Variants in ACCSL observed in about 807,000 individuals in gnomAD.
ACCSL encodes the protein probable inactive 1-aminocyclopropane-1-carboxylate synthase-like protein 2.
Under a neutral mutation model 61.7 loss-of-function variants are expected in ACCSL, and 55 were observed. That is an observed-to-expected ratio of 0.89 (90% confidence interval 0.72 to 1.12). ACCSL has a LOEUF of 1.12. ACCSL is among the 50% of genes most tolerant of loss of function. ACCSL has a pLI of 0.00. For missense variants in ACCSL, 632 were observed against 698.0 expected (o/e 0.91, Z 1.07); for synonymous variants, 258 against 264.3 (o/e 0.98, Z 0.23).
At chr11:43,931,193 C>A in the ACCSL span, among the ~76,000 whole-genome samples, 1 of 152,356 alleles carries the variant, frequency 6.6e-6, no homozygotes, top group South Asian at 2.1e-4. Context: ...GTGTACCCCC[C>A]ACGCCCCTGT....
chr11:43,942,958 G>T, the ACCSL span: 2 of 1,480,916 alleles, frequency 1.4e-6, no homozygotes, highest in Non-Finnish European at 8.9e-7. Context: ...ACCAGGCGGT[G>T]ATGCCGCACT....
chr11:43,958,446 C>A, the ACCSL span, among the ~76,000 whole-genome samples: 3 of 152,170 alleles, frequency 2.0e-5, no homozygotes, highest in Non-Finnish European at 2.9e-5. Context: ...CCCTACCCAC[C>A]AAATTATCCT....
the ACCSL span, among the ~76,000 whole-genome samples, chr11:43,981,750 A>T: frequency 6.6e-6 from 1 of 152,182 alleles, no homozygotes; most frequent in Non-Finnish European, 1.5e-5. Flanking sequence ...TCTTGGCAGA[A>T]TACCCAGTCA....
At chr11:43,943,427 C>T in the ACCSL span, 2 of 1,443,530 alleles carry the variant, frequency 1.4e-6, no homozygotes, top group Non-Finnish European at 1.8e-6. This position sits in a 1 kb window ranked among gnomAD's most constrained non-coding sequence, Gnocchi z 4.8. Context: ...CGCTGCGAAC[C>T]GGTCGGTGCG....
At chr11:43,985,969 T>A in the ACCSL span, among the ~76,000 whole-genome samples, 1 of 142,612 alleles carries the variant, frequency 7.0e-6, no homozygotes, top group African/African-American at 2.5e-5. Flanking sequence ...TCTCAAAAAA[T>A]ATATATAATA....
At chr11:43,968,764 A>G in the ACCSL span, among the ~76,000 whole-genome samples, 4 of 152,124 alleles carry the variant, frequency 2.6e-5, no homozygotes, top group African/African-American at 9.7e-5. Flanking sequence ...GGTGAGATTC[A>G]CAACTAGTTT....
At chr11:44,051,555 C>T in intron 4 of ACCSL, 98 bp from the exon 5 acceptor site, 1 of 1,557,382 alleles carries the variant, frequency 6.4e-7, no homozygotes, top group Non-Finnish European at 8.9e-7. Context: ...TGAGGAGGCT[C>T]CCTGTGCCTG....
At chr11:43,962,428 G>A in the ACCSL span, among the ~76,000 whole-genome samples, 18 of 152,196 alleles carry the variant, frequency 1.2e-4, no homozygotes, top group African/African-American at 4.1e-4. Flanking sequence ...GATGACGTTC[G>A]CAAGGACTGG....
chr11:43,987,730 C>T, the ACCSL span, among the ~76,000 whole-genome samples: 1 of 152,120 alleles, frequency 6.6e-6, no homozygotes, highest in South Asian at 2.1e-4. Flanking sequence ...CATCACAGAG[C>T]CGGAGACCTG....
chr11:43,946,117 C>T, the ACCSL span, among the ~76,000 whole-genome samples: 3 of 152,150 alleles, frequency 2.0e-5, no homozygotes, highest in African/African-American at 7.2e-5. Context: ...GATGGAGTCT[C>T]ACTCTGTCAC....
chr11:44,024,425 T>TTC, the ACCSL span, among the ~76,000 whole-genome samples: 1,276 of 138,382 alleles, frequency 9.2e-3, 15 homozygotes, highest in Middle Eastern at 0.018. Flanking sequence ...CTCTCTCTCT[T>TTC]TCTCTCTCTC....
the ACCSL span, among the ~76,000 whole-genome samples, chr11:43,930,070 G>A: frequency 2.0e-5 from 3 of 152,184 alleles, no homozygotes; most frequent in Non-Finnish European, 2.9e-5. Flanking sequence ...TGAGAGGAAG[G>A]CACTCCCGAG....
the ACCSL span, among the ~76,000 whole-genome samples, chr11:43,980,624 A>G: frequency 1.3e-5 from 2 of 152,304 alleles, no homozygotes; most frequent in East Asian, 3.9e-4. Flanking sequence ...CTTTTTCTTA[A>G]TAATTTCCAA....
At chr11:43,970,146 T>C in the ACCSL span, among the ~76,000 whole-genome samples, 1 of 152,076 alleles carries the variant, frequency 6.6e-6, no homozygotes, top group African/African-American at 2.4e-5. Context: ...TGAGATCTCA[T>C]CTCTACAGAA....
At chr11:44,042,635 TTG>T in the ACCSL span, among the ~76,000 whole-genome samples, 1 of 144,584 alleles carries the variant, frequency 6.9e-6, no homozygotes, top group East Asian at 2.1e-4. Flanking sequence ...TGTTTTTTTT[TTG>T]TTTGTTTTGT....
chr11:44,027,262 G>T, the ACCSL span, among the ~76,000 whole-genome samples: 1 of 152,230 alleles, frequency 6.6e-6, no homozygotes, highest in Non-Finnish European at 1.5e-5. Flanking sequence ...CTCAAGGTCA[G>T]CCAGAGGAGA....
chr11:44,000,127 T>C, the ACCSL span, among the ~76,000 whole-genome samples: 5 of 152,122 alleles, frequency 3.3e-5, no homozygotes, highest in East Asian at 9.8e-4. Flanking sequence ...TTTTCTTTCC[T>C]TTCTTTTTTT....
the ACCSL span, chr11:43,943,401 G>A: frequency 7.1e-7 from 1 of 1,400,074 alleles, no homozygotes. The surrounding 1 kb of genome is among the most constrained non-coding windows in gnomAD (Gnocchi z 4.8). Flanking sequence ...CTCCTCGCGC[G>A]CTCGGACTCC....
At chr11:43,988,763 C>T in the ACCSL span, among the ~76,000 whole-genome samples, 20 of 150,066 alleles carry the variant, frequency 1.3e-4, no homozygotes, top group Admixed American at 2.7e-4. Flanking sequence ...CTCTTAAATT[C>T]CTCTAATCCT....
Sources: gnomAD v4.1 joint callset for allele counts (sites outside exome capture counted in the v4.1 genomes callset) on GRCh38, gnomAD v4.1.1 for gene constraint, Gnocchi (gnomAD v3.1) non-coding constraint, MANE v1.5 for transcripts, NCBI Gene and HGNC (gene_info 2026-07-23, HGNC 2026-07-21) for gene names.